Variants in SDK1 observed in about 807,000 individuals in gnomAD.
SDK1 encodes protein sidekick-1.
SDK1 carries 157 observed loss-of-function variants against 245.5 expected under a neutral mutation model. The observed-to-expected ratio is 0.64, with a 90% CI of 0.56 to 0.73. The LOEUF is 0.73. Ranked by LOEUF, SDK1 falls within the 30% of genes least tolerant of loss-of-function variation. SDK1 has a pLI of 0.00. For missense variants in SDK1, 3,583 were observed against 3,002.3 expected (o/e 1.19, Z -4.52); for synonymous variants, 1,647 against 1,278.5 (o/e 1.29, Z -6.15).
intron 1 of SDK1, among the ~76,000 whole-genome samples, chr7:3,376,031 A>G (rs1781347229): frequency 6.6e-6 from 1 of 152,182 alleles, no homozygotes. Context: ...TGAATTCTGC[A>G]TCAAGAAAAT....
intron 19 of SDK1, among the ~76,000 whole-genome samples, chr7:4,060,919 T>G (rs1170262343): frequency 3.3e-5 from 5 of 151,832 alleles, no homozygotes; most frequent in Non-Finnish European, 7.4e-5. Context: ...CATTGCTTGT[T>G]TTTCTCAGGT....
chr7:3,908,747 A>C (rs1008474312), intron 5 of SDK1, among the ~76,000 whole-genome samples: 9 of 151,858 alleles, frequency 5.9e-5, no homozygotes, highest in Non-Finnish European at 1.3e-4. Context: ...TGATAAATTT[A>C]TTTTCCCTGT....
rs565017402 is a variant in SDK1, at chr7:3,863,650, C to T, written c.847+42067C>T. The stretch of plus-strand genomic sequence containing the variant: ...TTCTACTTTCTGTCTCTGAATGTTC[C>T]TACTCTGTGAAGGTCATAGAAGCAG... On this transcript the variant is annotated intron_variant, in intron 5 of 44. Coordinates refer to ENST00000404826, the MANE Select transcript of SDK1 (RefSeq NM_152744.4). Among the ~76,000 whole-genome samples the T allele has an allele frequency of 3.3e-5, 5 of 152,266 alleles. No individual in the cohort carries two copies. In the South Asian group the frequency reaches 1.0e-3, roughly 32 times the overall value.
At chr7:3,394,320 G>A (rs1781837557) in intron 1 of SDK1, among the ~76,000 whole-genome samples, 1 of 151,974 alleles carries the variant, frequency 6.6e-6, no homozygotes, top group African/African-American at 2.4e-5. Flanking sequence ...GTATTGCCTT[G>A]GCATGTTTGT....
chr7:3,432,071 C>G (rs967305477), intron 1 of SDK1, among the ~76,000 whole-genome samples: 10 of 149,128 alleles, frequency 6.7e-5, no homozygotes, highest in African/African-American at 2.2e-4. Context: ...CTCAGTCAGT[C>G]TGTGTGAAAT....
At chr7:3,503,350 A>C (rs1317820186) in intron 1 of SDK1, among the ~76,000 whole-genome samples, 2 of 152,172 alleles carry the variant, frequency 1.3e-5, no homozygotes, top group Non-Finnish European at 2.9e-5. Context: ...ATCTTGTCAG[A>C]CACCTTACAC....
intron 11 of SDK1, among the ~76,000 whole-genome samples, chr7:3,970,949 C>A (rs557304303): frequency 6.6e-6 from 1 of 152,152 alleles, no homozygotes; most frequent in Admixed American, 6.5e-5. Context: ...GTCCCCATCC[C>A]GTACTGGCTT....
chr7:3,569,708 C>G (rs1303849373), intron 1 of SDK1, among the ~76,000 whole-genome samples: 14 of 152,192 alleles, frequency 9.2e-5, no homozygotes, highest in Admixed American at 9.2e-4. Flanking sequence ...AATCAAAGCA[C>G]TGGGTTAATT....
At chr7:3,637,297 A>G (rs1022624593) in intron 2 of SDK1, among the ~76,000 whole-genome samples, 2 of 152,114 alleles carry the variant, frequency 1.3e-5, no homozygotes, top group African/African-American at 4.8e-5. Flanking sequence ...GGGTTTCACC[A>G]TGTTGGCTAA....
intron 1 of SDK1, among the ~76,000 whole-genome samples, chr7:3,523,562 C>A (rs1783016418): frequency 6.6e-6 from 1 of 152,072 alleles, no homozygotes; most frequent in South Asian, 2.1e-4. Context: ...TGTAGACGGT[C>A]TTTTTCGACC....
At chr7:3,443,460 A>T (rs995198123) in intron 1 of SDK1, among the ~76,000 whole-genome samples, 1 of 152,224 alleles carries the variant, frequency 6.6e-6, no homozygotes, top group African/African-American at 2.4e-5. Flanking sequence ...TGCTAATAAA[A>T]TTTGTATACC....
At chr7:3,369,403 T>A (rs1781168502) in intron 1 of SDK1, among the ~76,000 whole-genome samples, 1 of 152,166 alleles carries the variant, frequency 6.6e-6, no homozygotes, top group South Asian at 2.1e-4. Context: ...TCACTTTTGT[T>A]CTACAATGAC....
intron 14 of SDK1, among the ~76,000 whole-genome samples, chr7:4,007,679 C>T (rs557965459): frequency 1.3e-5 from 2 of 152,174 alleles, no homozygotes; most frequent in South Asian, 4.2e-4. Flanking sequence ...GTCTCGACTC[C>T]CTACAACCTC....
intron 37 of SDK1, 138 bp from the exon 38 acceptor site, chr7:4,209,887 T>C (rs1022938584): frequency 3.4e-5 from 28 of 815,902 alleles, no homozygotes; most frequent in Non-Finnish European, 5.0e-5. Context: ...AATCTTTTCA[T>C]TTTATGACAT....
intron 5 of SDK1, among the ~76,000 whole-genome samples, chr7:3,853,413 GT>G (rs2115105463): frequency 6.6e-6 from 1 of 152,222 alleles, no homozygotes; most frequent in African/African-American, 2.4e-5. Context: ...TATTGTGTGT[GT>G]GTGTGTATGT....
At chr7:3,860,883 C>G (rs1286182725) in intron 5 of SDK1, among the ~76,000 whole-genome samples, 3 of 152,144 alleles carry the variant, frequency 2.0e-5, no homozygotes, top group Admixed American at 2.0e-4. Context: ...AAAACTTGAT[C>G]AGCCCACTCC....
chr7:3,501,046 T>A (rs1782194110), intron 1 of SDK1, among the ~76,000 whole-genome samples: 1 of 152,322 alleles, frequency 6.6e-6, no homozygotes, highest in South Asian at 2.1e-4. Flanking sequence ...TTCTAACTTC[T>A]CTGTTAAAGG....
intron 1 of SDK1, among the ~76,000 whole-genome samples, chr7:3,355,922 G>A (rs915382491): frequency 6.6e-6 from 1 of 152,166 alleles, no homozygotes; most frequent in Non-Finnish European, 1.5e-5. Flanking sequence ...TCTCTTCAAA[G>A]TTAAATCATG....
At chr7:3,356,517 T>A (rs920226196) in intron 1 of SDK1, among the ~76,000 whole-genome samples, 5 of 152,158 alleles carry the variant, frequency 3.3e-5, no homozygotes, top group Admixed American at 6.5e-5. Context: ...CCTCCTTTAT[T>A]TTTGCTTACC....
Sources: gnomAD v4.1 joint callset for allele counts (sites outside exome capture counted in the v4.1 genomes callset) on GRCh38, gnomAD v4.1.1 for gene constraint, MANE v1.5 for transcripts, NCBI Gene and HGNC (gene_info 2026-07-23, HGNC 2026-07-21) for gene names.